The following GLB1L2 variants were observed in gnomAD, a reference collection of about 807,000 sequenced individuals.
GLB1L2 encodes the protein galactosidase beta 1 like 2.
In GLB1L2, 68 loss-of-function variants were observed where a neutral mutation model predicts 84.1. That is an observed-to-expected ratio of 0.81 (90% CI 0.67 to 0.99). The LOEUF is 0.99. Among genes scored for constraint, GLB1L2 ranks in the 50% least tolerant of loss-of-function variants. The probability of loss-of-function intolerance (pLI) is 0.00; values close to 1 mark genes in which losing one functional copy is unlikely to be tolerated. For missense variants in GLB1L2, 762 were observed against 805.6 expected (o/e 0.95, Z 0.66); for synonymous variants, 290 against 318.0 (o/e 0.91, Z 0.94).
chr11:134,368,678 C>T lies in GLB1L2; in HGVS notation c.924C>T (p.Ala308=), dbSNP rs369853573. The change falls in exon 10 of 19, where the codon GCC becomes GCT. Residue 308 remains alanine (A), a synonymous_variant. Coordinates refer to ENST00000535456, the MANE Select transcript of GLB1L2 (RefSeq NM_001370461.1). ...VLKTVSAIVD[A]GSSINLYMFH... ...AAACCGTGTCTGCCATTGTGGACGC[C>T]GGCTCCTCCATCAACCTCTACATGT... The T allele has an allele frequency of 1.9e-5, 31 of 1,613,852 alleles. No homozygotes were observed. Among genetic ancestry groups the T allele is most frequent in the Middle Eastern group, 1.6e-4 (1 of 6,062 alleles).
Position 134,342,692 on chromosome 11 carries a change from G to A in GLB1L2, c.87-62G>A. On this transcript the variant is annotated intron_variant, in intron 1 of 18. Coordinates refer to ENST00000535456, the MANE Select transcript of GLB1L2 (RefSeq NM_001370461.1). The stretch of plus-strand genomic sequence containing the variant: ...AAATGCCGAGGACCTGCGAAGGGGC[G>A]AGGAAGCCGATCTCTCTGCGGCCCG... The A allele has an allele frequency of 4.6e-6, 7 of 1,517,396 alleles. No homozygotes were observed. The South Asian group carries it at 6.0e-5, about 13-fold the overall frequency. The allele number at this position is 1,517,396 out of a possible 1,614,324, so 94.0% of individuals were successfully genotyped here.
At chr11:134,354,649 A>G (rs1565437942) in intron 5 of GLB1L2, among the ~76,000 whole-genome samples, 1 of 152,084 alleles carries the variant, frequency 6.6e-6, no homozygotes, top group Non-Finnish European at 1.5e-5. Flanking sequence ...TCAAAAAAAA[A>G]GTTGACACTT....
At chr11:134,367,170 G>T in intron 8 of GLB1L2, 87 bp from the exon 9 acceptor site, 2 of 1,118,700 alleles carry the variant, frequency 1.8e-6, no homozygotes, top group Non-Finnish European at 1.3e-6. Flanking sequence ...AGAGAGGGCA[G>T]AGATCCTGGG....
At chr11:134,373,339 G>A (rs1186740350) in intron 15 of GLB1L2, among the ~76,000 whole-genome samples, 1 of 152,196 alleles carries the variant, frequency 6.6e-6, no homozygotes, top group Non-Finnish European at 1.5e-5. Context: ...GATTCTGGCT[G>A]AGTTATTAGG....
At chr11:134,356,960 G>GTT (rs546093564) in intron 6 of GLB1L2, among the ~76,000 whole-genome samples, 11,677 of 152,258 alleles carry the variant, frequency 0.077, 569 homozygotes, top group East Asian at 0.19. Flanking sequence ...AATGCCTCGA[G>GTT]TTTTTTCTAA....
intron 1 of GLB1L2, among the ~76,000 whole-genome samples, chr11:134,335,876 G>A (rs1406540334): frequency 6.6e-6 from 1 of 152,176 alleles, no homozygotes; most frequent in Admixed American, 6.5e-5. Context: ...AAAGGACTCT[G>A]GGGTCTAGGC....
At chr11:134,369,060 G>A (rs1026108606) in intron 10 of GLB1L2, among the ~76,000 whole-genome samples, 6 of 152,188 alleles carry the variant, frequency 3.9e-5, no homozygotes, top group Admixed American at 3.9e-4. Context: ...GGACAGGGAG[G>A]GACGGTGGCC....
At chr11:134,373,928 C>A (rs1591626908) in intron 16 of GLB1L2, 120 bp downstream of exon 16, 1 of 822,152 alleles carries the variant, frequency 1.2e-6, no homozygotes, top group East Asian at 2.4e-5. Context: ...CTCCAGGGGC[C>A]AGATCGGCTG....
At chr11:134,363,346 G>A (rs919240179) in intron 7 of GLB1L2, among the ~76,000 whole-genome samples, 1 of 152,250 alleles carries the variant, frequency 6.6e-6, no homozygotes, top group Non-Finnish European at 1.5e-5. Flanking sequence ...GCAATCAGAG[G>A]CTTTCGTCCT....
At chr11:134,333,739 TA>T (rs1263706023) in intron 1 of GLB1L2, among the ~76,000 whole-genome samples, 1 of 152,182 alleles carries the variant, frequency 6.6e-6, no homozygotes, top group African/African-American at 2.4e-5. Flanking sequence ...TGTCCCCACC[TA>T]GGTGGGGTGA....
chr11:134,342,348 C>A (rs1056941818), intron 1 of GLB1L2, among the ~76,000 whole-genome samples: 12 of 152,162 alleles, frequency 7.9e-5, no homozygotes, highest in African/African-American at 2.9e-4. Flanking sequence ...CGGGCGGCTG[C>A]GACCGTGCCG....
At chr11:134,336,382 A>G (rs992806414) in intron 1 of GLB1L2, among the ~76,000 whole-genome samples, 2 of 152,188 alleles carry the variant, frequency 1.3e-5, no homozygotes, top group Non-Finnish European at 2.9e-5. Context: ...ACTACTGGTA[A>G]TGGCTTCTTT....
chr11:134,346,292 C>A (rs1461148692), intron 4 of GLB1L2: 1 of 152,874 alleles, frequency 6.5e-6, no homozygotes, highest in Non-Finnish European at 1.5e-5. Flanking sequence ...CCTCTCCCAT[C>A]CCTGTGGATT....
At chr11:134,373,878 CTGGTG>C in intron 16 of GLB1L2, 70 bp downstream of exon 16, 7 of 1,164,948 alleles carry the variant, frequency 6.0e-6, no homozygotes, top group Non-Finnish European at 8.8e-6. Context: ...CCAGGGGTCC[CTGGTG>C]CACCGTGGCC....
chr11:134,364,295 C>G, intron 7 of GLB1L2, 33 bp from the exon 8 acceptor site: 1 of 1,581,034 alleles, frequency 6.3e-7, no homozygotes, highest in Non-Finnish European at 8.7e-7. Flanking sequence ...TGAGACAGTG[C>G]TTTGTCTCTC....
chr11:134,371,351 T>C, intron 13 of GLB1L2, 70 bp from the exon 14 acceptor site: 1 of 1,192,802 alleles, frequency 8.4e-7, no homozygotes, highest in Non-Finnish European at 1.3e-6. Context: ...CTGCCCTTCT[T>C]GGCCTGGAGG....
chr11:134,372,312 T>C (rs1377450085), intron 15 of GLB1L2: 4 of 159,802 alleles, frequency 2.5e-5, no homozygotes, highest in Non-Finnish European at 5.5e-5. Flanking sequence ...GTTGGTAGCG[T>C]ACCCCTCTGG....
At position 134,338,425 on chromosome 11, in the gene GLB1L2, T is replaced by C. The variant is rs537121920; in HGVS notation, c.87-4329T>C. Among the ~76,000 whole-genome samples, 3 of 152,262 alleles carry C rather than the reference T, an allele frequency of 2.0e-5. No homozygotes were observed. Among genetic ancestry groups the C allele is most frequent in the East Asian group, 1.9e-4 (1 of 5,172 alleles). On this transcript the variant is annotated intron_variant, in intron 1 of 18. Transcript: ENST00000535456. The surrounding 1 kb of genome is among the most constrained non-coding windows in gnomAD (Gnocchi z 6.2). ...CGCCCTGCAAGATCCCCTCTGAAAC[T>C]TGACAGCCAGTCCCATTCCCAGAAA... is the stretch of plus-strand genomic sequence containing the variant.
Position 134,374,602 on chromosome 11 carries a change from G to T in GLB1L2, c.1708G>T (p.Gly570Cys), listed in dbSNP as rs1456088971. 6.2e-7 allele frequency: 1 copy of T among 1,611,944 alleles called. No homozygotes were observed. Among genetic ancestry groups the T allele is most frequent in the Admixed American group, 1.7e-5 (1 of 60,008 alleles). ...TPCDTFLKLE[G>C]WEKGVVFING... ...GAACACCCTTCCCCTCTGTTTCAAG[G>T]GCTGGGAGAAGGGGGTTGTATTCAT... The change falls in exon 18 of 19, where the codon GGC becomes TGC. Residue 570 changes from glycine (G) to cysteine (C), a missense_variant and splice_region_variant. Physicochemically the swap from Gly to Cys is radical, Grantham distance 159. Coordinates refer to ENST00000535456, the MANE Select transcript of GLB1L2 (RefSeq NM_001370461.1).
Sources: gnomAD v4.1 joint callset for allele counts (sites outside exome capture counted in the v4.1 genomes callset) on GRCh38, gnomAD v4.1.1 for gene constraint, Gnocchi (gnomAD v3.1) non-coding constraint, MANE v1.5 for transcripts, NCBI Gene and HGNC (gene_info 2026-07-23, HGNC 2026-07-21) for gene names.